The following PTPRD variants were observed in gnomAD, a reference collection of about 807,000 sequenced individuals.
The protein encoded by PTPRD is receptor-type tyrosine-protein phosphatase delta.
In PTPRD, 34 loss-of-function variants were observed where a neutral mutation model predicts 214.5. The observed-to-expected ratio is 0.16, with a 90% CI of 0.12 to 0.21. The LOEUF (loss-of-function observed/expected upper bound fraction) is 0.21. Among genes scored for constraint, PTPRD ranks in the 10% least tolerant of loss-of-function variants. The pLI is 1.00. For missense variants in PTPRD, 2,545 were observed against 2,398.7 expected (o/e 1.06, Z -1.27); for synonymous variants, 1,128 against 845.7 (o/e 1.33, Z -5.79).
intron 11 of PTPRD, among the ~76,000 whole-genome samples, chr9:8,838,844 C>T (rs1411059132): frequency 6.6e-6 from 1 of 151,506 alleles, no homozygotes; most frequent in East Asian, 1.9e-4. Context: ...ACACCAAAAA[C>T]AAAATCAGAT....
chr9:8,820,367 G>A (rs946238205), intron 11 of PTPRD, among the ~76,000 whole-genome samples: 1 of 152,050 alleles, frequency 6.6e-6, no homozygotes, highest in Non-Finnish European at 1.5e-5. Context: ...TTAATATGAG[G>A]AAGAGAGTCT....
chr9:8,816,016 T>C (rs1274701668), intron 11 of PTPRD, among the ~76,000 whole-genome samples: 2 of 152,128 alleles, frequency 1.3e-5, no homozygotes, highest in Non-Finnish European at 2.9e-5. Flanking sequence ...ACAAAGGAAA[T>C]CTCAAATGTA....
At chr9:9,779,845 T>C (rs974157230) in intron 5 of PTPRD, among the ~76,000 whole-genome samples, 3 of 152,190 alleles carry the variant, frequency 2.0e-5, no homozygotes, top group African/African-American at 4.8e-5. Flanking sequence ...GAAAGCAGTT[T>C]GGAGGTTTCT....
At chr9:8,474,195 C>T (rs2096716899) in intron 30 of PTPRD, among the ~76,000 whole-genome samples, 1 of 152,094 alleles carries the variant, frequency 6.6e-6, no homozygotes, top group Non-Finnish European at 1.5e-5. Context: ...TTTGTAGTAA[C>T]AAACCCCTTC....
intron 12 of PTPRD, among the ~76,000 whole-genome samples, chr9:8,680,769 A>G (rs1225899251): frequency 1.3e-5 from 2 of 152,322 alleles, no homozygotes; most frequent in South Asian, 2.1e-4. Flanking sequence ...TATGATATGC[A>G]TCTGTTGGCA....
chr9:9,000,644 A>C (rs2154354686), intron 11 of PTPRD, among the ~76,000 whole-genome samples: 1 of 152,092 alleles, frequency 6.6e-6, no homozygotes, highest in East Asian at 1.9e-4. Flanking sequence ...CATTTTAAAA[A>C]CAAACATTTC....
At chr9:10,127,380 A>C (rs2098827804) in intron 3 of PTPRD, among the ~76,000 whole-genome samples, 1 of 152,216 alleles carries the variant, frequency 6.6e-6, no homozygotes, top group African/African-American at 2.4e-5. Context: ...AGCACTTCAT[A>C]ATTCTACAAA....
At chr9:9,590,025 T>C (rs1216464747) in intron 7 of PTPRD, among the ~76,000 whole-genome samples, 1 of 152,046 alleles carries the variant, frequency 6.6e-6, no homozygotes, top group African/African-American at 2.4e-5. Flanking sequence ...CTCTTTTGTA[T>C]AAGAATGTAA....
At chr9:10,329,813 A>G (rs2096716446) in intron 3 of PTPRD, among the ~76,000 whole-genome samples, 1 of 151,790 alleles carries the variant, frequency 6.6e-6, no homozygotes, top group Admixed American at 6.6e-5. Context: ...ATTTAATGTG[A>G]TATTGTATAC....
intron 7 of PTPRD, among the ~76,000 whole-genome samples, chr9:9,731,671 G>T (rs545110828): frequency 6.6e-6 from 1 of 152,212 alleles, no homozygotes; most frequent in East Asian, 1.9e-4. Flanking sequence ...TAGGGACATG[G>T]ATGAAGCTGG....
chr9:9,773,764 A>G (rs1221345013), intron 5 of PTPRD, among the ~76,000 whole-genome samples: 1 of 152,192 alleles, frequency 6.6e-6, no homozygotes, highest in Non-Finnish European at 1.5e-5. Flanking sequence ...GGTTGCCTGG[A>G]ACATTCCAAC....
chr9:9,028,848 A>G (rs997100432), intron 10 of PTPRD, among the ~76,000 whole-genome samples: 8 of 151,904 alleles, frequency 5.3e-5, no homozygotes, highest in Non-Finnish European at 8.8e-5. Flanking sequence ...AATTTAAGTG[A>G]GAGAGCCTTA....
At chr9:10,533,348 T>G (rs1043473553) in intron 2 of PTPRD, among the ~76,000 whole-genome samples, 1 of 152,122 alleles carries the variant, frequency 6.6e-6, no homozygotes, top group Non-Finnish European at 1.5e-5. Context: ...CATACATCAC[T>G]TATGTATTTA....
rs894129311 is a variant in PTPRD at position 9,382,318 on chromosome 9, G to C, written c.-203+15131C>G. On this transcript the variant is annotated intron_variant, in intron 9 of 45. Transcript: ENST00000381196. ...ACATTGGTTTTGGCAATGACATTTT[G>C]GATATGATAACAAAAGCAGAGGCAA... Among the ~76,000 whole-genome samples, 8 of 152,052 alleles carry C rather than the reference G, an allele frequency of 5.3e-5. No individual in the cohort carries two copies. The East Asian group carries it at 1.6e-3, about 29-fold the overall frequency.
At chr9:10,275,663 G>C (rs1037372044) in intron 3 of PTPRD, among the ~76,000 whole-genome samples, 9 of 152,236 alleles carry the variant, frequency 5.9e-5, no homozygotes, top group African/African-American at 2.2e-4. Flanking sequence ...GTCAAATAGA[G>C]GTAGAAATTG....
At chr9:9,352,273 T>C (rs1257981869) in intron 9 of PTPRD, among the ~76,000 whole-genome samples, 2 of 151,064 alleles carry the variant, frequency 1.3e-5, no homozygotes, top group Admixed American at 6.6e-5. Context: ...AAATTTAGGT[T>C]GATAGCTCGT....
At chr9:9,928,755 T>TACACACACACACACACAC (rs545488105) in intron 5 of PTPRD, among the ~76,000 whole-genome samples, 264 of 109,662 alleles carry the variant, frequency 2.4e-3, no homozygotes, top group African/African-American at 9.2e-3. Context: ...TCTCTCTCTC[T>TACACACACACACACACAC]ATACACACAC....
At chr9:10,270,589 C>A (rs1186926666) in intron 3 of PTPRD, among the ~76,000 whole-genome samples, 1 of 152,128 alleles carries the variant, frequency 6.6e-6, no homozygotes, top group Non-Finnish European at 1.5e-5. Context: ...GACTTCCATA[C>A]CAGATTTTTT....
intron 10 of PTPRD, among the ~76,000 whole-genome samples, chr9:9,149,057 A>G (rs2099873392): frequency 6.6e-6 from 1 of 152,304 alleles, no homozygotes; most frequent in South Asian, 2.1e-4. Context: ...GGAGACATGG[A>G]AAGATTGTCT....
Sources: allele counts gnomAD v4.1 joint callset (sites outside exome capture counted in the v4.1 genomes callset), GRCh38; gene constraint gnomAD v4.1.1; transcripts MANE v1.5; gene names NCBI Gene and HGNC (gene_info 2026-07-23, HGNC 2026-07-21).